OTULIN: variants seen among roughly 807,000 people sequenced by gnomAD.
OTULIN encodes the protein OTU deubiquitinase with linear linkage specificity, also known as ubiquitin thioesterase otulin.
OTULIN carries 15 observed loss-of-function variants against 39.6 expected under a neutral mutation model. The observed-to-expected ratio is 0.38, with a 90% CI of 0.25 to 0.58. OTULIN has a LOEUF of 0.58. Among genes scored for constraint, OTULIN ranks in the 20% least tolerant of loss-of-function variants. The pLI is 0.66. For synonymous variants in OTULIN, 156 were observed against 170.3 expected (o/e 0.92, Z 0.65); for missense variants, 319 against 445.9 (o/e 0.72, Z 2.56).
the OTULIN span, chr5:14,710,268 G>A: frequency 6.6e-6 from 1 of 152,148 alleles, no homozygotes; most frequent in African/African-American, 2.4e-5. Flanking sequence ...TAAAGCTTCA[G>A]TTCACTGTAA....
Position 14,696,438 on chromosome 5 carries a change from A to G in OTULIN, c.*3390A>G, listed in dbSNP as rs1004635118. The G allele has an allele frequency of 3.3e-5, 5 of 152,224 alleles. No homozygotes were observed. Among genetic ancestry groups the G allele is most frequent in the African/African-American group, 9.7e-5 (4 of 41,450 alleles). 9.4% of individuals were successfully genotyped at this position (152,224 alleles called of 1,614,324 possible). The stretch of plus-strand genomic sequence containing the variant: ...TGCAGTAAAAGAAATGCATTTATGT[A>G]AGATCTGTGAGTACTTAAAAAGAAA... On this transcript the variant is annotated 3_prime_UTR_variant, in exon 7 of 7. Transcript: ENST00000284274.
the OTULIN span, chr5:14,711,036 C>CA: frequency 1.4e-6 from 1 of 711,016 alleles, no homozygotes; most frequent in Non-Finnish European, 2.6e-6. Flanking sequence ...TGAGCATACC[C>CA]AGTATGCTAG....
downstream of OTULIN, among the ~76,000 whole-genome samples, chr5:14,702,636 G>A (rs577445622): frequency 2.6e-5 from 4 of 152,164 alleles, no homozygotes; most frequent in Non-Finnish European, 5.9e-5. Flanking sequence ...GACCACACGT[G>A]AATTGCAAGC....
At chr5:14,692,081 A>G (rs1006514038) in intron 6 of OTULIN, among the ~76,000 whole-genome samples, 1 of 152,172 alleles carries the variant, frequency 6.6e-6, no homozygotes, top group African/African-American at 2.4e-5. Flanking sequence ...TTATGTGAAC[A>G]TATGTTTGTA....
chr5:14,690,113 G>A lies in OTULIN; in HGVS notation c.669G>A (p.Ala223=), dbSNP rs374063900. ...IACDELFTNE[A]EEYSLYEAVK... The stretch of plus-strand genomic sequence containing the variant: ...GTGATGAACTATTCACAAATGAGGC[G>A]GAGGAATATAGCCTCTATGAAGCTG... The change falls in exon 6 of 7, where the codon GCG becomes GCA. Residue 223 remains alanine (A), a synonymous_variant. Transcript: ENST00000284274. This position sits in a 1 kb window ranked among gnomAD's most constrained non-coding sequence, Gnocchi z 4.5. 5.6e-5 allele frequency: 90 copies of A among 1,614,080 alleles called. No individual in the cohort carries two copies. The highest frequency in any genetic ancestry group is 1.6e-4 in the Middle Eastern group (1 of 6,062).
chr5:14,678,046 G>T (rs967322055), intron 2 of OTULIN, among the ~76,000 whole-genome samples: 3 of 152,216 alleles, frequency 2.0e-5, no homozygotes, highest in Admixed American at 1.3e-4. Context: ...GTATGGGTGT[G>T]TGTGGGGGGT....
intron 1 of OTULIN, among the ~76,000 whole-genome samples, chr5:14,667,593 T>C (rs1196717559): frequency 6.6e-6 from 1 of 152,252 alleles, no homozygotes; most frequent in East Asian, 1.9e-4. Flanking sequence ...CAGGCCGGTC[T>C]CTACCTCTTG....
At chr5:14,686,109 G>A (rs1295295787) in intron 4 of OTULIN, among the ~76,000 whole-genome samples, 3 of 152,148 alleles carry the variant, frequency 2.0e-5, no homozygotes, top group Non-Finnish European at 4.4e-5. Flanking sequence ...CATCCCAATC[G>A]TGGTTCTGTG....
intron 1 of OTULIN, among the ~76,000 whole-genome samples, chr5:14,665,991 T>C (rs537457589): frequency 1.3e-5 from 2 of 152,276 alleles, no homozygotes; most frequent in South Asian, 2.1e-4. Context: ...GGGAGAAATA[T>C]CCAAATCATA....
rs1010538193 is a variant in OTULIN at position 14,695,411 on chromosome 5, G to A, written c.*2363G>A. On this transcript the variant is annotated 3_prime_UTR_variant, in exon 7 of 7. Coordinates refer to ENST00000284274, the MANE Select transcript of OTULIN (RefSeq NM_138348.6). The stretch of plus-strand genomic sequence containing the variant: ...TGGATTCAGGAGGATGTTCCACTTA[G>A]AGCAGTCTTCAAAATGATAAGGTGT... 7 of 152,202 alleles carry A rather than the reference G, an allele frequency of 4.6e-5. No homozygotes were observed. The highest frequency in any genetic ancestry group is 4.4e-5 in the Non-Finnish European group (3 of 68,034). The allele number at this position is 152,202 out of a possible 1,614,324, so 9.4% of individuals were successfully genotyped here.
chr5:14,669,958 A>G (rs1735941544), intron 1 of OTULIN, among the ~76,000 whole-genome samples: 2 of 152,194 alleles, frequency 1.3e-5, no homozygotes, highest in South Asian at 4.1e-4. Context: ...GTTTGAATCT[A>G]TATAGTAGAT....
At chr5:14,704,510 G>A (rs149972304), downstream of OTULIN, among the ~76,000 whole-genome samples, 1,184 of 152,258 alleles carry the variant, frequency 7.8e-3, 18 homozygotes, top group South Asian at 0.05. Flanking sequence ...AGAGAAGTTG[G>A]AGAGGGTTCA....
Position 14,696,706 on chromosome 5 carries a change from C to T in OTULIN, c.*3658C>T, listed in dbSNP as rs182613420. On this transcript the variant is annotated 3_prime_UTR_variant, in exon 7 of 7. Coordinates refer to ENST00000284274, the MANE Select transcript of OTULIN (RefSeq NM_138348.6). The stretch of plus-strand genomic sequence containing the variant: ...AAATCTGAATGAATGGAAGGCCTTA[C>T]GTGTATACAGTTTACAAATTCCTAT... 1 of 151,918 alleles carries T rather than the reference C, an allele frequency of 6.6e-6. No individual in the cohort carries two copies. The highest frequency in any genetic ancestry group is 1.5e-5 in the Non-Finnish European group (1 of 68,036). 9.4% of individuals were successfully genotyped at this position (151,918 alleles called of 1,614,324 possible).
At chr5:14,680,668 TG>T (rs1411993062) in intron 3 of OTULIN, among the ~76,000 whole-genome samples, 8 of 152,226 alleles carry the variant, frequency 5.3e-5, no homozygotes, top group African/African-American at 1.7e-4. Flanking sequence ...CGTTTCAGAA[TG>T]GTCCATTGGA....
the OTULIN span, chr5:14,711,379 G>T: frequency 7.3e-7 from 1 of 1,371,790 alleles, no homozygotes; most frequent in Non-Finnish European, 1.0e-6. Flanking sequence ...CCACGAGCAG[G>T]GAGACAACAC....
In OTULIN at chr5:14,691,922, C is replaced by T. The variant is rs149694287; in HGVS notation, c.865-932C>T. ...ATCCATATTGCACCATGTATTAGTA[C>T]TTCATTCCTTTTTATTGATAAGTAA... On this transcript the variant is annotated intron_variant, in intron 6 of 6. Transcript: ENST00000284274. 2.4e-3 allele frequency among the ~76,000 whole-genome samples: 358 copies of T among 152,218 alleles called. 4 individuals carry two copies. Among genetic ancestry groups the T allele is most frequent in the African/African-American group, 8.3e-3 (345 of 41,534 alleles).
downstream of OTULIN, among the ~76,000 whole-genome samples, chr5:14,699,989 T>C (rs142079659): frequency 1.7e-3 from 265 of 152,364 alleles, 1 homozygote; most frequent in African/African-American, 5.8e-3. Flanking sequence ...AGCACGAGTA[T>C]GTTTCCTTAG....
chr5:14,676,140 C>G (rs1444210424), intron 2 of OTULIN, among the ~76,000 whole-genome samples: 1 of 152,224 alleles, frequency 6.6e-6, no homozygotes, highest in Non-Finnish European at 1.5e-5. Flanking sequence ...TTCCCGCCTT[C>G]TGAGGGTCTG....
intron 1 of OTULIN, among the ~76,000 whole-genome samples, chr5:14,673,321 A>T (rs1379447922): frequency 6.6e-6 from 1 of 152,218 alleles, no homozygotes; most frequent in South Asian, 2.1e-4. Context: ...CACTAATAAG[A>T]TGCATGCTAT....
Sources: allele counts gnomAD v4.1 joint callset (sites outside exome capture counted in the v4.1 genomes callset), GRCh38; gene constraint gnomAD v4.1.1; non-coding constraint Gnocchi (gnomAD v3.1); transcripts MANE v1.5; gene names NCBI Gene and HGNC (gene_info 2026-07-23, HGNC 2026-07-21).